Variants in DIPK1A observed in about 807,000 individuals in gnomAD.
DIPK1A encodes the protein divergent protein kinase domain 1A, also known as family with sequence similarity 69 member A.
A neutral mutation model predicts 40.8 loss-of-function variants in DIPK1A; 27 were observed. The ratio of observed to expected loss-of-function variants is 0.66; its 90% confidence interval spans 0.49 to 0.91. DIPK1A has a LOEUF of 0.91. Ranked by LOEUF, DIPK1A falls within the 40% of genes least tolerant of loss-of-function variation. The pLI is 0.00. For missense variants in DIPK1A, 412 were observed against 505.7 expected, an observed-to-expected ratio of 0.81 and a Z score of 1.78; for synonymous variants, 166 against 171.3, an observed-to-expected ratio of 0.97 and a Z score of 0.24.
At chr1:92,946,788 A>T (rs1651382421) in intron 1 of DIPK1A, among the ~76,000 whole-genome samples, 1 of 152,102 alleles carries the variant, frequency 6.6e-6, no homozygotes. Flanking sequence ...ATAAAAAAAT[A>T]CAAAAATTGG....
intron 1 of DIPK1A, among the ~76,000 whole-genome samples, chr1:92,879,667 T>C (rs1341800109): frequency 6.6e-6 from 1 of 152,222 alleles, no homozygotes; most frequent in Non-Finnish European, 1.5e-5. Flanking sequence ...ATGCGTCCTT[T>C]AATATCTGCA....
chr1:92,849,174 C>T (rs1687726443), intron 3 of DIPK1A, among the ~76,000 whole-genome samples: 2 of 152,158 alleles, frequency 1.3e-5, no homozygotes, highest in Admixed American at 1.3e-4. Context: ...GCACTTCTCA[C>T]CATCCCTTAC....
rs1687449714 is a variant in DIPK1A at position 92,843,313 on chromosome 1, T to A, written c.*70A>T. 1 of 1,454,880 alleles carries A rather than the reference T, an allele frequency of 6.9e-7. No individual in the cohort carries two copies. The allele number at this position is 1,454,880 out of a possible 1,614,324, so 90.1% of individuals were successfully genotyped here. On this transcript the variant is annotated 3_prime_UTR_variant, in exon 5 of 5. Transcript: ENST00000370310. ...TAACTGGCCGGAATTTGAAGCCATT[T>A]TTTTTTAATGCTCAAAATTGTTCTT...
At chr1:92,841,466 C>T (rs996142707), downstream of DIPK1A, among the ~76,000 whole-genome samples, 1 of 151,812 alleles carries the variant, frequency 6.6e-6, no homozygotes, top group African/African-American at 2.4e-5. Flanking sequence ...GAGTGCCACT[C>T]TCTTGGACAA....
At chr1:92,916,302 CTT>C (rs869037202) in intron 1 of DIPK1A, among the ~76,000 whole-genome samples, 10 of 134,724 alleles carry the variant, frequency 7.4e-5, no homozygotes, top group Non-Finnish European at 8.1e-5. Flanking sequence ...TCCTTTTTTT[CTT>C]TTTTTTTTTT....
At chr1:92,871,880 T>C (rs968779012) in intron 2 of DIPK1A, among the ~76,000 whole-genome samples, 10 of 152,136 alleles carry the variant, frequency 6.6e-5, no homozygotes, top group Non-Finnish European at 1.5e-4. Flanking sequence ...ACAGTTGGCT[T>C]GTTTCCACCT....
At chr1:92,834,235 T>A (rs983369624) in intron 4 of DIPK1A, among the ~76,000 whole-genome samples, 23 of 152,236 alleles carry the variant, frequency 1.5e-4, no homozygotes, top group African/African-American at 5.3e-4. Context: ...AAGGTAGTTG[T>A]GAATTAAACA....
chr1:92,861,347 G>A (rs1301479123), intron 2 of DIPK1A, among the ~76,000 whole-genome samples: 2 of 11,418 alleles, frequency 1.8e-4, no homozygotes, highest in Non-Finnish European at 2.0e-4. Context: ...TTTTTTTTGA[G>A]ACAGGGTCTC....
chr1:92,847,138 A>C (rs1687666792), intron 4 of DIPK1A, 45 bp downstream of exon 4: 1 of 1,296,470 alleles, frequency 7.7e-7, no homozygotes, highest in Non-Finnish European at 1.0e-6. Context: ...AATTCCTCTA[A>C]AGAGTCCCAC....
intron 4 of DIPK1A, chr1:92,835,067 C>T (rs1390571361): frequency 9.4e-7 from 1 of 1,059,784 alleles, no homozygotes; most frequent in Non-Finnish European, 1.4e-6. Flanking sequence ...CTATCTAGGT[C>T]AGCTCTTTCC....
In DIPK1A at chr1:92,843,930, A is replaced by G; in HGVS notation, c.740T>C (p.Leu247Pro). The part of the protein sequence containing the change: ...YGISLPWVIE[L>P]FIPSGFRRSM... ...TCTTCTGAACCCAGATGGAATAAAA[A>G]GTTCAATGACCCAAGGAAGGCTTAT... Residue 247 changes from leucine to proline, a missense_variant, in exon 5 of 5, where the codon CTT becomes CCT. By Grantham distance (98) the Leu-to-Pro change is moderately conservative. Coordinates refer to ENST00000370310, the MANE Select transcript of DIPK1A (RefSeq NM_001006605.5). 1 of 1,551,804 alleles carries G rather than the reference A, an allele frequency of 6.4e-7. No homozygotes were observed. The highest frequency in any genetic ancestry group is 8.7e-7 in the Non-Finnish European group (1 of 1,147,014).
chr1:92,879,727 A>T (rs1648287367), intron 1 of DIPK1A, among the ~76,000 whole-genome samples: 1 of 152,302 alleles, frequency 6.6e-6, no homozygotes, highest in African/African-American at 2.4e-5. Context: ...AGAGCCATAA[A>T]TTACATCTGT....
intron 2 of DIPK1A, among the ~76,000 whole-genome samples, chr1:92,855,617 T>G (rs1687964018): frequency 6.6e-6 from 1 of 150,508 alleles, no homozygotes; most frequent in Admixed American, 6.6e-5. Context: ...GGAAGGAGGA[T>G]CCCTTGAACC....
chr1:92,917,938 A>G (rs1439430500), intron 1 of DIPK1A, among the ~76,000 whole-genome samples: 1 of 152,218 alleles, frequency 6.6e-6, no homozygotes, highest in Non-Finnish European at 1.5e-5. Flanking sequence ...ACAATAAACA[A>G]TCTGTTTTAT....
chr1:92,870,548 G>A (rs1647793273), intron 2 of DIPK1A, among the ~76,000 whole-genome samples: 1 of 152,198 alleles, frequency 6.6e-6, no homozygotes, highest in Admixed American at 6.5e-5. Context: ...TTTAAATACA[G>A]CCTCACAATC....
intron 2 of DIPK1A, among the ~76,000 whole-genome samples, chr1:92,857,679 T>C (rs1198581800): frequency 1.3e-5 from 2 of 152,168 alleles, no homozygotes; most frequent in African/African-American, 4.8e-5. Context: ...GTATATATCT[T>C]AAATTCTCAA....
At position 92,843,048 on chromosome 1, in the gene DIPK1A, T is replaced by C; in HGVS notation, c.*335A>G. 2 of 1,013,388 alleles carry C rather than the reference T, an allele frequency of 2.0e-6. No individual in the cohort carries two copies. The highest frequency in any genetic ancestry group is 2.4e-6 in the Non-Finnish European group (2 of 848,568). The allele number at this position is 1,013,388 out of a possible 1,614,324, so 62.8% of individuals were successfully genotyped here. ...GCAAACACAATGCTTCCAGCATTGGTATTTTGGCTAAGGTAAATCTACAAA... is the reference window on the plus strand; with the variant it reads ...GCAAACACAATGCTTCCAGCATTGGCATTTTGGCTAAGGTAAATCTACAAA... On this transcript the variant is annotated 3_prime_UTR_variant, in exon 5 of 5. Transcript: ENST00000370310.
intron 4 of DIPK1A, among the ~76,000 whole-genome samples, chr1:92,846,837 ATATATG>A (rs1687635969): frequency 1.5e-4 from 1 of 6,756 alleles, no homozygotes; most frequent in African/African-American, 1.4e-3. Context: ...ATATATATAT[ATATATG>A]TGTGTATATA....
intron 1 of DIPK1A, among the ~76,000 whole-genome samples, chr1:92,942,151 C>T (rs931431168): frequency 3.3e-5 from 5 of 152,116 alleles, no homozygotes; most frequent in African/African-American, 1.2e-4. Flanking sequence ...AAAGGAAGAA[C>T]TCAAAAACTA....
Sources: allele counts gnomAD v4.1 joint callset (sites outside exome capture counted in the v4.1 genomes callset), GRCh38; gene constraint gnomAD v4.1.1; transcripts MANE v1.5; gene names NCBI Gene and HGNC (gene_info 2026-07-23, HGNC 2026-07-21).